The following STK32B variants were observed in gnomAD, a reference collection of about 807,000 sequenced individuals.
STK32B encodes serine/threonine-protein kinase 32B.
In STK32B, 43 loss-of-function variants were observed where a neutral mutation model predicts 52.6. The ratio of observed to expected loss-of-function variants is 0.82; its 90% CI spans 0.64 to 1.05. STK32B has a LOEUF of 1.05. Among genes scored for constraint, STK32B ranks in the 50% least tolerant of loss-of-function variants. The pLI is 0.00. For synonymous variants in STK32B, 238 were observed against 204.3 expected, an observed-to-expected ratio of 1.17 and a Z score of -1.41; for missense variants, 621 against 534.6, an observed-to-expected ratio of 1.16 and a Z score of -1.59.
At chr4:5,213,188 C>A (rs1476960244) in intron 3 of STK32B, among the ~76,000 whole-genome samples, 5 of 152,174 alleles carry the variant, frequency 3.3e-5, no homozygotes, top group Admixed American at 6.6e-5. Context: ...TCCATCACCT[C>A]ATTGAGTCCA....
At chr4:5,151,056 A>G (rs754625799) in intron 2 of STK32B, among the ~76,000 whole-genome samples, 1 of 152,188 alleles carries the variant, frequency 6.6e-6, no homozygotes, top group African/African-American at 2.4e-5. Flanking sequence ...CAAATTGACT[A>G]TAGCCTGTCA....
At chr4:5,167,961 C>T (rs1405364911) in intron 2 of STK32B, among the ~76,000 whole-genome samples, 1 of 152,214 alleles carries the variant, frequency 6.6e-6, no homozygotes, top group Non-Finnish European at 1.5e-5. Context: ...GGGTTATAGT[C>T]ACTGGTGCTT....
intron 1 of STK32B, among the ~76,000 whole-genome samples, chr4:5,092,719 C>T (rs73208563): frequency 0.091 from 13,804 of 151,896 alleles, 717 homozygotes; most frequent in East Asian, 0.17. Flanking sequence ...TTTAAATGAC[C>T]CGATCTCGTG....
chr4:5,092,346 A>G (rs1249302029), intron 1 of STK32B, among the ~76,000 whole-genome samples: 1 of 152,214 alleles, frequency 6.6e-6, no homozygotes, highest in Non-Finnish European at 1.5e-5. Flanking sequence ...AGCCTGGGCA[A>G]CATGGTGAAA....
chr4:5,313,803 A>G (rs1278887157), intron 3 of STK32B, among the ~76,000 whole-genome samples: 1 of 152,178 alleles, frequency 6.6e-6, no homozygotes. Context: ...GACAACGAAC[A>G]TGTGGAAAGC....
At chr4:5,194,116 C>T (rs933076510) in intron 3 of STK32B, among the ~76,000 whole-genome samples, 2 of 152,178 alleles carry the variant, frequency 1.3e-5, no homozygotes, top group Non-Finnish European at 2.9e-5. Context: ...TGTTTGATTT[C>T]AGCACAGCCC....
At chr4:5,241,926 A>G (rs1577233156) in intron 3 of STK32B, among the ~76,000 whole-genome samples, 1 of 152,292 alleles carries the variant, frequency 6.6e-6, no homozygotes, top group Non-Finnish European at 1.5e-5. Context: ...TTATGGCTGC[A>G]TAGTATTCCA....
At chr4:5,085,160 G>C (rs148763081) in intron 1 of STK32B, among the ~76,000 whole-genome samples, 275 of 152,234 alleles carry the variant, frequency 1.8e-3, no homozygotes, top group African/African-American at 6.3e-3. Context: ...TTAAATTTCT[G>C]ACTCTGGAAA....
chr4:5,326,998 A>T (rs1731921684), intron 3 of STK32B, among the ~76,000 whole-genome samples: 1 of 152,140 alleles, frequency 6.6e-6, no homozygotes, highest in Non-Finnish European at 1.5e-5. Context: ...TGTCATTTTA[A>T]CAATGTGTAC....
chr4:5,414,110 T>A (rs1173579216), intron 5 of STK32B, among the ~76,000 whole-genome samples: 1 of 152,150 alleles, frequency 6.6e-6, no homozygotes, highest in Non-Finnish European at 1.5e-5. Context: ...GCTGAATAAA[T>A]GATACATTGT....
chr4:5,238,054 T>C (rs1724754682), intron 3 of STK32B, among the ~76,000 whole-genome samples: 2 of 152,218 alleles, frequency 1.3e-5, no homozygotes, highest in African/African-American at 2.4e-5. Context: ...CATTCTATGA[T>C]TGTGATTCTT....
At chr4:5,368,944 G>C (rs1167598539) in intron 4 of STK32B, among the ~76,000 whole-genome samples, 1 of 152,090 alleles carries the variant, frequency 6.6e-6, no homozygotes, top group Non-Finnish European at 1.5e-5. Flanking sequence ...CTGTCCTCCA[G>C]CAGCTGTCCT....
At chr4:5,125,127 G>A (rs544464798) in intron 1 of STK32B, among the ~76,000 whole-genome samples, 3 of 152,216 alleles carry the variant, frequency 2.0e-5, no homozygotes, top group Non-Finnish European at 4.4e-5. Context: ...TGCAGGGAAC[G>A]GAATCCTGCT....
At chr4:5,218,463 A>C (rs956323721) in intron 3 of STK32B, among the ~76,000 whole-genome samples, 10 of 152,292 alleles carry the variant, frequency 6.6e-5, no homozygotes, top group African/African-American at 2.2e-4. Flanking sequence ...TGACTAATGG[A>C]TTGGTTCTTG....
At chr4:5,445,943 A>G (rs1192984974) in intron 6 of STK32B, among the ~76,000 whole-genome samples, 1 of 11,786 alleles carries the variant, frequency 8.5e-5, no homozygotes, top group Non-Finnish European at 1.5e-4. Context: ...TCCCTGAGAT[A>G]GGCCCCAGGC....
chr4:5,494,650 G>T (rs1387202100), intron 11 of STK32B, among the ~76,000 whole-genome samples: 2 of 152,136 alleles, frequency 1.3e-5, no homozygotes, highest in African/African-American at 4.8e-5. Flanking sequence ...CTCGTTAGTT[G>T]ATGCAGTTTC....
intron 4 of STK32B, among the ~76,000 whole-genome samples, chr4:5,357,435 T>A (rs1734260160): frequency 6.6e-6 from 1 of 152,078 alleles, no homozygotes; most frequent in African/African-American, 2.4e-5. Flanking sequence ...AGGTGCCAGG[T>A]CAGAGTACAG....
chr4:5,140,858 T>A (rs1270762629), intron 2 of STK32B, among the ~76,000 whole-genome samples: 2 of 152,212 alleles, frequency 1.3e-5, no homozygotes, highest in Non-Finnish European at 2.9e-5. Flanking sequence ...TGATCAGTAG[T>A]AACCAAAACA....
chr4:5,407,830 A>G (rs1400483613), intron 5 of STK32B, among the ~76,000 whole-genome samples: 3 of 152,150 alleles, frequency 2.0e-5, no homozygotes, highest in Admixed American at 1.3e-4. Flanking sequence ...GATGATTACA[A>G]TCAGACATGA....
Sources: gnomAD v4.1 joint callset for allele counts (sites outside exome capture counted in the v4.1 genomes callset) on GRCh38, gnomAD v4.1.1 for gene constraint, MANE v1.5 for transcripts, NCBI Gene and HGNC (gene_info 2026-07-23, HGNC 2026-07-21) for gene names.